The following NBDY variants were observed in gnomAD, a reference collection of about 807,000 sequenced individuals.
The protein encoded by NBDY is P-body dissociating protein.
chrX:56,809,944 CCTGG>C (rs2069876684), intron 2 of NBDY, among the ~76,000 whole-genome samples: 1 of 111,615 alleles, frequency 9.0e-6, no homozygotes, highest in Non-Finnish European at 1.9e-5. Flanking sequence ...GTAAGGCAGG[CCTGG>C]TGGTGACAAA....
Position 56,780,986 on chromosome X carries a change from T to C in NBDY, c.*167-36334T>C, listed in dbSNP as rs184596449. ...CCATCACATCTCAACTGTTTCCTTG[T>C]CAACAAATGTGTGTCCTTTTCTCAT... On this transcript the variant is annotated intron_variant, in intron 2 of 2. Coordinates refer to ENST00000374922, the MANE Select transcript of NBDY (RefSeq NM_001348129.2). Among the ~76,000 whole-genome samples, 4 of 110,179 alleles carry C rather than the reference T, an allele frequency of 3.6e-5. No individual in the cohort carries two copies. In the Admixed American group the frequency reaches 3.9e-4, roughly 11 times the overall value.
chrX:56,813,096 G>A (rs1569293717), intron 2 of NBDY, among the ~76,000 whole-genome samples: 3 of 111,074 alleles, frequency 2.7e-5, no homozygotes. Flanking sequence ...TGAATGATGA[G>A]TTAATGGGTG....
At chrX:56,764,674 T>A (rs1356936110) in intron 2 of NBDY, among the ~76,000 whole-genome samples, 3 of 99,018 alleles carry the variant, frequency 3.0e-5, no homozygotes, top group Non-Finnish European at 6.1e-5. Context: ...CTCTTTCTGT[T>A]TTTGGTGCCA....
At chrX:56,738,252 C>T (rs935212442) in intron 2 of NBDY, among the ~76,000 whole-genome samples, 5 of 112,227 alleles carry the variant, frequency 4.5e-5, no homozygotes, top group Admixed American at 9.5e-5. Flanking sequence ...TATATTCTCA[C>T]AACCCCACTT....
intron 2 of NBDY, among the ~76,000 whole-genome samples, chrX:56,765,336 G>A (rs767990454): frequency 1.8e-5 from 2 of 112,152 alleles, no homozygotes; most frequent in Non-Finnish European, 1.9e-5. Flanking sequence ...GTCCTTCCCT[G>A]CCTTGGCCTT....
intron 2 of NBDY, among the ~76,000 whole-genome samples, chrX:56,745,103 G>A (rs1374807661): frequency 1.8e-5 from 2 of 111,509 alleles, no homozygotes; most frequent in Non-Finnish European, 3.8e-5. Context: ...CATAAGCACT[G>A]TGATACTGCA....
chrX:56,744,799 C>T (rs1199275899), intron 2 of NBDY, among the ~76,000 whole-genome samples: 3 of 111,025 alleles, frequency 2.7e-5, no homozygotes, highest in Non-Finnish European at 5.7e-5. Context: ...CCTATACATA[C>T]ATATGTATGA....
At chrX:56,803,332 G>A (rs1020500872) in intron 2 of NBDY, among the ~76,000 whole-genome samples, 1 of 111,888 alleles carries the variant, frequency 8.9e-6, no homozygotes, top group African/African-American at 3.3e-5. Context: ...CAGCTCCTTG[G>A]TTCACTGGGA....
intron 2 of NBDY, chrX:56,737,622 C>CA: frequency 2.4e-6 from 1 of 419,397 alleles, no homozygotes; most frequent in Non-Finnish European, 4.1e-6. Context: ...TAACAAGATA[C>CA]AAAAATTATA....
At chrX:56,754,743 G>GA (rs1191754378) in intron 2 of NBDY, among the ~76,000 whole-genome samples, 1 of 110,328 alleles carries the variant, frequency 9.1e-6, no homozygotes, top group Non-Finnish European at 1.9e-5. Flanking sequence ...TAGAAAAGCA[G>GA]AAAGATCTTG....
At chrX:56,761,693 G>T (rs368095872) in intron 2 of NBDY, among the ~76,000 whole-genome samples, 1 of 112,950 alleles carries the variant, frequency 8.9e-6, no homozygotes, top group Non-Finnish European at 1.9e-5. Context: ...GTCAGGATTC[G>T]CCTGGAAGGC....
chrX:56,732,379 G>T (rs2069463909), intron 2 of NBDY, among the ~76,000 whole-genome samples, 180 bp downstream of exon 2: 1 of 111,697 alleles, frequency 9.0e-6, no homozygotes, highest in African/African-American at 3.2e-5. Context: ...GAAATGTTTT[G>T]TTAGATTCAC....
At chrX:56,746,966 T>C (rs1403211311) in intron 2 of NBDY, among the ~76,000 whole-genome samples, 1 of 112,156 alleles carries the variant, frequency 8.9e-6, no homozygotes, top group African/African-American at 3.2e-5. Context: ...TCAAGATCCT[T>C]AACTTAATCA....
chrX:56,751,784 T>C (rs1171896360), intron 2 of NBDY, among the ~76,000 whole-genome samples: 1 of 112,270 alleles, frequency 8.9e-6, no homozygotes, highest in East Asian at 2.8e-4. Context: ...TTTTAAAATT[T>C]TAACTATTAT....
At chrX:56,732,947 G>T (rs964892781) in intron 2 of NBDY, among the ~76,000 whole-genome samples, 25 of 86,433 alleles carry the variant, frequency 2.9e-4, no homozygotes, top group Non-Finnish European at 5.1e-4. Flanking sequence ...TGGATATTTG[G>T]TTCCTATTTT....
At chrX:56,761,742 C>T (rs1232434302) in intron 2 of NBDY, among the ~76,000 whole-genome samples, 4 of 112,934 alleles carry the variant, frequency 3.5e-5, no homozygotes, top group East Asian at 2.8e-4. Context: ...AGGGAGAACA[C>T]GCCTTCTTTT....
chrX:56,765,200 C>G (rs926198918), intron 2 of NBDY, among the ~76,000 whole-genome samples: 1 of 112,189 alleles, frequency 8.9e-6, no homozygotes, highest in Non-Finnish European at 1.9e-5. Context: ...TAGCTGACCC[C>G]TGCGAGGAGA....
chrX:56,797,003 C>A (rs2069795262), intron 2 of NBDY, among the ~76,000 whole-genome samples: 1 of 111,319 alleles, frequency 9.0e-6, no homozygotes, highest in Admixed American at 9.5e-5. Flanking sequence ...TTTTCTCCTT[C>A]TGTTTCTTCT....
chrX:56,756,256 C>T (rs767161154), intron 2 of NBDY, among the ~76,000 whole-genome samples: 1 of 107,879 alleles, frequency 9.3e-6, no homozygotes, highest in South Asian at 4.1e-4. Flanking sequence ...CTAACCTGCG[C>T]ATTGTGCACA....
Sources: gnomAD v4.1 joint callset for allele counts (sites outside exome capture counted in the v4.1 genomes callset) on GRCh38, gnomAD v4.1.1 for gene constraint, MANE v1.5 for transcripts, NCBI Gene and HGNC (gene_info 2026-07-23, HGNC 2026-07-21) for gene names.